Variants in HDGFL3 observed in about 807,000 individuals in gnomAD.
HDGFL3 encodes the protein HDGF like 3.
Under a neutral mutation model 27.6 loss-of-function variants are expected in HDGFL3, and 6 were observed. That is an observed-to-expected ratio of 0.22 (90% CI 0.12 to 0.43). HDGFL3 has a LOEUF of 0.43. Ranked by LOEUF, HDGFL3 falls within the 20% of genes least tolerant of loss-of-function variation. HDGFL3 has a pLI of 1.00. For missense variants in HDGFL3, 207 were observed against 250.1 expected, an observed-to-expected ratio of 0.83 and a Z score of 1.16; for synonymous variants, 88 against 88.9, an observed-to-expected ratio of 0.99 and a Z score of 0.05.
chr15:83,157,478 A>G lies in HDGFL3; in HGVS notation c.396T>C (p.Asp132=). Residue 132 remains aspartate (D), a synonymous_variant, in exon 4 of 6, where the codon GAT becomes GAC. Transcript: ENST00000299633. Reference sequence around the variant, plus strand: ...TTTCATTCTTTCTTTTGCCTTTTCCATCTTCTTCTACTCTATCACCTTCTT... The same window carrying G: ...TTTCATTCTTTCTTTTGCCTTTTCCGTCTTCTTCTACTCTATCACCTTCTT... ...SEEEGDRVEE[D]GKGKRKNEKA... is the part of the protein sequence containing the mutation. 6.2e-7 allele frequency: 1 copy of G among 1,613,094 alleles called. No individual in the cohort carries two copies. Among genetic ancestry groups the G allele is most frequent in the Non-Finnish European group, 8.5e-7 (1 of 1,179,164 alleles).
chr15:83,207,337 C>G lies in HDGFL3; in HGVS notation c.78G>C (p.Pro26=), dbSNP rs1251577240. 3 of 1,395,916 alleles carry G rather than the reference C, an allele frequency of 2.1e-6. No homozygotes were observed. The highest frequency in any genetic ancestry group is 1.5e-5 in the African/African-American group (1 of 67,106). The allele number at this position is 1,395,916 out of a possible 1,614,324, so 86.5% of individuals were successfully genotyped here. A position where few individuals can be genotyped will look rare whatever the true frequency, so the allele number is the denominator to read the frequency against. ...GCGCGGCCGCGGTACTCACCCGGGC[C>G]GGCCAGTGCGGGTAGCCCTTCATCT... ...FAKMKGYPHW[P]ARIDELPEGA... The change falls in exon 1 of 6, where the codon CCG becomes CCC. Residue 26 remains proline, a synonymous_variant. Coordinates refer to ENST00000299633, the MANE Select transcript of HDGFL3 (RefSeq NM_016073.4). The surrounding 1 kb of genome is among the most constrained non-coding windows in gnomAD (Gnocchi z 4.8).
chr15:83,119,804 A>C, intron 3 of HDGFL3: 3 of 1,489,208 alleles, frequency 2.0e-6, no homozygotes, highest in Non-Finnish European at 2.7e-6. Flanking sequence ...TATAAGTTCC[A>C]TGGGTGCACG....
chr15:83,167,880 C>G (rs1389484432), intron 1 of HDGFL3, among the ~76,000 whole-genome samples: 2 of 152,090 alleles, frequency 1.3e-5, no homozygotes, highest in Non-Finnish European at 2.9e-5. Context: ...GAACATACTC[C>G]AAGATAGACC....
Position 83,138,930 on chromosome 15 carries a change from G to T in HDGFL3, c.*340C>A. 5.2e-6 allele frequency: 1 copy of T among 190,900 alleles called. No homozygotes were observed. Among genetic ancestry groups the T allele is most frequent in the Non-Finnish European group, 1.1e-5 (1 of 93,786 alleles). 11.8% of individuals were successfully genotyped at this position (190,900 alleles called of 1,614,324 possible). A position where few individuals can be genotyped will look rare whatever the true frequency, so the allele number is the denominator to read the frequency against. ...TATATTTAACTGAGTGTTTGATGAT[G>T]GTGGGGTCAAGGCAGGAAAACGATG... is the stretch of plus-strand genomic sequence containing the variant. On this transcript the variant is annotated 3_prime_UTR_variant, in exon 6 of 6. Coordinates refer to ENST00000299633, the MANE Select transcript of HDGFL3 (RefSeq NM_016073.4).
intron 5 of HDGFL3, among the ~76,000 whole-genome samples, chr15:83,142,446 T>C (rs771054312): frequency 6.6e-6 from 1 of 152,168 alleles, no homozygotes; most frequent in Non-Finnish European, 1.5e-5. Context: ...ATACCGCGTG[T>C]TCTTGCTTAT....
intron 2 of HDGFL3, among the ~76,000 whole-genome samples, chr15:83,163,372 G>A (rs534215406): frequency 1.3e-4 from 20 of 152,206 alleles, no homozygotes; most frequent in Admixed American, 8.5e-4. Flanking sequence ...TTGTTTTAGC[G>A]GTTAATGACA....
chr15:83,160,671 G>A (rs1023182145), intron 2 of HDGFL3, among the ~76,000 whole-genome samples: 1 of 152,148 alleles, frequency 6.6e-6, no homozygotes, highest in Non-Finnish European at 1.5e-5. Context: ...GAGGGGAAAT[G>A]TGTAAGCTGG....
rs1355040190 is a variant in HDGFL3 at position 83,186,133 on chromosome 15, GACCCAGAGCC to G, written c.84+21188_84+21197del. ...CCTTAAGATGACTGCCCTTGTGGGA[GACCCAGAGCC>G]AGAGGATCCAGGTCGGCCATGCCTG... On this transcript the variant is annotated intron_variant, in intron 1 of 5. Transcript: ENST00000299633. The G allele has an allele frequency of 3.9e-5, 6 of 152,260 alleles. No homozygotes were observed. The East Asian group carries it at 1.2e-3, about 29-fold the overall frequency. The allele number at this position is 152,260 out of a possible 1,614,324, so 9.4% of individuals were successfully genotyped here. A position where few individuals can be genotyped will look rare whatever the true frequency, so the allele number is the denominator to read the frequency against.
At chr15:83,163,340 A>C (rs2151405177) in intron 2 of HDGFL3, among the ~76,000 whole-genome samples, 1 of 152,284 alleles carries the variant, frequency 6.6e-6, no homozygotes, top group Non-Finnish European at 1.5e-5. Context: ...CAAGATGCAC[A>C]TGTGCTGCTG....
exon 4 of HDGFL3, chr15:83,115,213 G>A (rs940326799): frequency 2.4e-5 from 4 of 169,500 alleles, no homozygotes; most frequent in Admixed American, 5.8e-5. Flanking sequence ...CGCCTCCTGG[G>A]TTCAAGCAAT....
At chr15:83,117,906 C>T (rs1259589670) in intron 3 of HDGFL3, among the ~76,000 whole-genome samples, 1 of 152,082 alleles carries the variant, frequency 6.6e-6, no homozygotes, top group Admixed American at 6.5e-5. Flanking sequence ...GTGAGGGACA[C>T]TGAGGGCTAG....
At chr15:83,176,781 C>G (rs1411337435) in intron 1 of HDGFL3, among the ~76,000 whole-genome samples, 1 of 151,944 alleles carries the variant, frequency 6.6e-6, no homozygotes, top group African/African-American at 2.4e-5. Flanking sequence ...TAACATGCAT[C>G]TCCTCAAACT....
intron 2 of HDGFL3, among the ~76,000 whole-genome samples, chr15:83,160,875 T>C (rs1054962064): frequency 6.6e-6 from 1 of 152,146 alleles, no homozygotes; most frequent in Non-Finnish European, 1.5e-5. Context: ...CCCAGAGCGG[T>C]TTAAGAAGCA....
intron 1 of HDGFL3, among the ~76,000 whole-genome samples, chr15:83,197,891 C>T (rs902898626): frequency 1.1e-4 from 16 of 145,172 alleles, no homozygotes; most frequent in East Asian, 2.2e-4. Flanking sequence ...AAAAATTAGC[C>T]GGGTGTGGTG....
At chr15:83,186,713 G>A (rs1048333488) in intron 1 of HDGFL3, among the ~76,000 whole-genome samples, 3 of 151,922 alleles carry the variant, frequency 2.0e-5, no homozygotes, top group Non-Finnish European at 4.4e-5. Context: ...TGGTATAATG[G>A]ACACTGGAGA....
chr15:83,172,329 T>C (rs1394225274), intron 1 of HDGFL3, among the ~76,000 whole-genome samples: 1 of 152,158 alleles, frequency 6.6e-6, no homozygotes, highest in Admixed American at 6.5e-5. Context: ...CCTCCAGCAC[T>C]GTGAAGAAAT....
downstream of HDGFL3, chr15:83,124,732 G>A (rs2035576693): frequency 6.2e-7 from 1 of 1,614,164 alleles, no homozygotes; most frequent in Non-Finnish European, 8.5e-7. Flanking sequence ...AATGTTGGTT[G>A]TGTGTCTCCT....
At chr15:83,192,434 G>C in intron 1 of HDGFL3, 1 of 396,286 alleles carries the variant, frequency 2.5e-6, no homozygotes, top group Non-Finnish European at 5.0e-6. Flanking sequence ...CCACAGTTAA[G>C]AGAGCAGACA....
intron 1 of HDGFL3, among the ~76,000 whole-genome samples, chr15:83,203,702 A>G (rs1020545624): frequency 5.3e-5 from 8 of 151,976 alleles, no homozygotes; most frequent in Non-Finnish European, 8.8e-5. Flanking sequence ...AACTTAACCT[A>G]TAAGTAATAA....
Sources: allele counts gnomAD v4.1 joint callset (sites outside exome capture counted in the v4.1 genomes callset), GRCh38; gene constraint gnomAD v4.1.1; non-coding constraint Gnocchi (gnomAD v3.1); transcripts MANE v1.5; gene names NCBI Gene and HGNC (gene_info 2026-07-23, HGNC 2026-07-21).